SEL1L2: variants seen among roughly 807,000 people sequenced by gnomAD.
SEL1L2 encodes SEL1L2 adaptor subunit of SYVN1 ubiquitin ligase, also known as protein sel-1 homolog 2.
Under a neutral mutation model 98.8 loss-of-function variants are expected in SEL1L2, and 89 were observed. That is an observed-to-expected ratio of 0.90 (90% CI 0.76 to 1.07). The LOEUF (loss-of-function observed/expected upper bound fraction) is 1.07, where lower values mean the gene tolerates loss of function less well. Among genes scored for constraint, SEL1L2 ranks in the 50% least tolerant of loss-of-function variants. The pLI is 0.00. For missense variants in SEL1L2, 788 were observed against 812.0 expected (o/e 0.97, Z 0.36); for synonymous variants, 262 against 278.5 (o/e 0.94, Z 0.59).
At chr20:13,931,836 G>C in intron 2 of SEL1L2, 65 bp from the exon 3 acceptor site, 1 of 1,315,690 alleles carries the variant, frequency 7.6e-7, no homozygotes, top group Non-Finnish European at 1.0e-6. Flanking sequence ...GAAACAACAG[G>C]AAAGTGAAAA....
chr20:13,924,402 G>A (rs2423761), intron 3 of SEL1L2, among the ~76,000 whole-genome samples: 147,206 of 151,958 alleles, frequency 0.97, 71,355 homozygotes, highest in East Asian at 1. Context: ...TTTTAATTTG[G>A]ATGAATACAC....
chr20:13,849,593 T>C lies in SEL1L2; in HGVS notation c.1959A>G (p.Arg653=). Residue 653 remains arginine, a synonymous_variant, in exon 20 of 20, where the codon AGA becomes AGG. Coordinates refer to ENST00000284951, the MANE Select transcript of SEL1L2 (RefSeq NM_025229.2). ...TGTTGTCCAGTTTCAGCCAGTTCCA[T>C]CTCGTTGTGAACTGCTGGCAAGAGA... ...RDILFFNFTT[R]WNWLKLDNTI... The C allele has an allele frequency of 6.2e-7, 1 of 1,613,724 alleles. No individual in the cohort carries two copies. Among genetic ancestry groups the C allele is most frequent in the East Asian group, 2.2e-5 (1 of 44,870 alleles).
chr20:13,932,885 AG>A (rs999671296), intron 2 of SEL1L2, among the ~76,000 whole-genome samples: 9 of 152,108 alleles, frequency 5.9e-5, no homozygotes, highest in African/African-American at 2.2e-4. Context: ...GGCCAGAGCA[AG>A]CAGAAACATG....
chr20:13,865,567 C>T, intron 15 of SEL1L2, 53 bp from the exon 16 acceptor site: 5 of 1,477,558 alleles, frequency 3.4e-6, no homozygotes, highest in Non-Finnish European at 3.7e-6. Context: ...TGCTTCACCC[C>T]AGGCAAATGA....
upstream of SEL1L2, among the ~76,000 whole-genome samples, chr20:13,991,551 T>G (rs1045055835): frequency 1.1e-4 from 16 of 152,206 alleles, no homozygotes; most frequent in African/African-American, 3.9e-4. Flanking sequence ...CAGCATTCCT[T>G]GATTTGTGAC....
intron 5 of SEL1L2, among the ~76,000 whole-genome samples, chr20:13,891,704 C>G (rs553900017): frequency 1.1e-3 from 169 of 149,666 alleles, no homozygotes; most frequent in African/African-American, 4.1e-3. Flanking sequence ...CAAAGCTGTC[C>G]ACCAAAAACA....
Position 13,935,305 on chromosome 20 carries a change from C to A in SEL1L2, c.115-3534G>T, listed in dbSNP as rs985813351. Among the ~76,000 whole-genome samples, 204 of 152,328 alleles carry A rather than the reference C, an allele frequency of 1.3e-3. 3 individuals are homozygous for A. The highest frequency in any genetic ancestry group is 6.2e-4 in the South Asian group (3 of 4,824). ...GTCCCTGCTCTCAGAGCCAGGGATA[C>A]AGCCAAACCAACCAACCAAACAAAC... is the stretch of plus-strand genomic sequence containing the variant. On this transcript the variant is annotated intron_variant, in intron 2 of 19. Coordinates refer to ENST00000284951, the MANE Select transcript of SEL1L2 (RefSeq NM_025229.2).
At chr20:13,951,844 A>T (rs2050294149) in intron 2 of SEL1L2, among the ~76,000 whole-genome samples, 1 of 151,670 alleles carries the variant, frequency 6.6e-6, no homozygotes, top group Non-Finnish European at 1.5e-5. Context: ...GTTCCTGTGA[A>T]CCAACCAATC....
intron 5 of SEL1L2, among the ~76,000 whole-genome samples, chr20:13,899,538 G>C (rs964120599): frequency 9.2e-5 from 14 of 152,182 alleles, no homozygotes; most frequent in African/African-American, 3.4e-4. Context: ...GAAAGTCAAA[G>C]CCTGTGTCCT....
intron 17 of SEL1L2, among the ~76,000 whole-genome samples, chr20:13,862,678 A>G (rs1049562447): frequency 3.3e-5 from 5 of 151,164 alleles, no homozygotes; most frequent in African/African-American, 1.2e-4. Flanking sequence ...AATTTTTATT[A>G]TTATTATTTA....
chr20:13,985,368 T>C (rs2052111890), intron 1 of SEL1L2, among the ~76,000 whole-genome samples: 1 of 152,208 alleles, frequency 6.6e-6, no homozygotes, highest in East Asian at 1.9e-4. Context: ...TGGTCCTTTT[T>C]TCTGGCCTGA....
At chr20:13,867,664 A>G (rs1401630459) in intron 14 of SEL1L2, among the ~76,000 whole-genome samples, 1 of 151,768 alleles carries the variant, frequency 6.6e-6, no homozygotes, top group African/African-American at 2.4e-5. Context: ...GATACCCGGT[A>G]GATGTTGAGA....
intron 5 of SEL1L2, among the ~76,000 whole-genome samples, chr20:13,890,420 TA>T (rs1284345634): frequency 6.6e-6 from 1 of 152,016 alleles, no homozygotes; most frequent in Non-Finnish European, 1.5e-5. Flanking sequence ...CAAACCACTC[TA>T]ATTGGGAAAT....
chr20:13,966,342 G>A (rs552277629), intron 1 of SEL1L2, among the ~76,000 whole-genome samples: 15 of 151,450 alleles, frequency 9.9e-5, no homozygotes, highest in Non-Finnish European at 1.6e-4. Flanking sequence ...TTTTTGAGGC[G>A]GAGTTTCGCT....
At chr20:13,856,149 G>A (rs1425425728) in intron 18 of SEL1L2, among the ~76,000 whole-genome samples, 1 of 148,836 alleles carries the variant, frequency 6.7e-6, no homozygotes, top group Non-Finnish European at 1.5e-5. Flanking sequence ...TGTTTTTTGG[G>A]GTTTTTTTTT....
chr20:13,898,466 C>T (rs549701310), intron 5 of SEL1L2, among the ~76,000 whole-genome samples: 1 of 152,268 alleles, frequency 6.6e-6, no homozygotes, highest in South Asian at 2.1e-4. Flanking sequence ...TATTTATAAC[C>T]CCACACAGGA....
chr20:13,988,570 G>T (rs2052369326), intron 1 of SEL1L2, among the ~76,000 whole-genome samples: 1 of 152,154 alleles, frequency 6.6e-6, no homozygotes, highest in African/African-American at 2.4e-5. Context: ...ATACTGTCTT[G>T]ATTACTGTAG....
rs79829662 is a variant in SEL1L2, at chr20:13,911,881, A to C, written c.549+1901T>G. On this transcript the variant is annotated intron_variant, in intron 5 of 19. Transcript: ENST00000284951. ...GCTTAAATTTTATATCCTTTGACCAATATCTCCCTAATCCCTACTCCTCCC... is the reference window on the plus strand; with the variant it reads ...GCTTAAATTTTATATCCTTTGACCACTATCTCCCTAATCCCTACTCCTCCC... 2.1e-3 allele frequency among the ~76,000 whole-genome samples: 313 copies of C among 152,220 alleles called. 9 individuals carry two copies. The East Asian group carries it at 0.05, about 24-fold the overall frequency.
At position 13,903,173 on chromosome 20, in the gene SEL1L2, A is replaced by G. The variant is rs144527958; in HGVS notation, c.549+10609T>C. 4.2e-4 allele frequency among the ~76,000 whole-genome samples: 64 copies of G among 151,904 alleles called. No homozygotes were observed. The East Asian group carries it at 8.5e-3, about 20-fold the overall frequency. The stretch of plus-strand genomic sequence containing the variant: ...AATGGTTCTGAAGAGCTGATCAACC[A>G]CTTTTAATGATTTCAACAGTTCTGA... On this transcript the variant is annotated intron_variant, in intron 5 of 19. Transcript: ENST00000284951.
Sources: gnomAD v4.1 joint callset for allele counts (sites outside exome capture counted in the v4.1 genomes callset) on GRCh38, gnomAD v4.1.1 for gene constraint, MANE v1.5 for transcripts, NCBI Gene and HGNC (gene_info 2026-07-23, HGNC 2026-07-21) for gene names.